Variants in NMNAT3 observed in about 807,000 individuals in gnomAD.
The protein encoded by NMNAT3 is nicotinamide nucleotide adenylyltransferase 3.
In NMNAT3, 21 loss-of-function variants were observed where a neutral mutation model predicts 24.8. That is an observed-to-expected ratio of 0.85 (90% confidence interval 0.60 to 1.22). The LOEUF (loss-of-function observed/expected upper bound fraction) is 1.22. Ranked by LOEUF, NMNAT3 falls within the 50% of genes most tolerant of loss-of-function variation. The probability of loss-of-function intolerance (pLI) is 0.00; values close to 1 mark genes in which losing one functional copy is unlikely to be tolerated. For synonymous variants in NMNAT3, 136 were observed against 155.2 expected (o/e 0.88, Z 0.92); for missense variants, 387 against 436.6 (o/e 0.89, Z 1.01).
rs115075532 is a variant in NMNAT3 at position 139,629,566 on chromosome 3, C to T, written c.-40-1802G>A. The stretch of plus-strand genomic sequence containing the variant: ...GAATGCATTTATTGCCTTTATTATT[C>T]ATCTTGCTGTGATGGTCTTAGCTGT... On this transcript the variant is annotated intron_variant, in intron 2 of 6. Transcript: ENST00000643695. 4.2e-3 allele frequency among the ~76,000 whole-genome samples: 632 copies of T among 152,226 alleles called. 7 individuals are homozygous for T. Among genetic ancestry groups the T allele is most frequent in the African/African-American group, 0.015 (612 of 41,532 alleles).
chr3:139,618,774 G>C (rs543549974), intron 3 of NMNAT3, among the ~76,000 whole-genome samples: 5 of 152,224 alleles, frequency 3.3e-5, no homozygotes, highest in African/African-American at 9.6e-5. Flanking sequence ...GAAAGAAGAT[G>C]GTTCGGGTTA....
At chr3:139,667,741 T>C (rs1233951278) in intron 1 of NMNAT3, among the ~76,000 whole-genome samples, 1 of 152,256 alleles carries the variant, frequency 6.6e-6, no homozygotes, top group Non-Finnish European at 1.5e-5. Flanking sequence ...TGGTTTGTGC[T>C]CTTGTCTTAC....
intron 1 of NMNAT3, among the ~76,000 whole-genome samples, chr3:139,660,974 A>C (rs911110635): frequency 3.3e-5 from 5 of 152,236 alleles, no homozygotes; most frequent in African/African-American, 1.2e-4. Flanking sequence ...AGTATGTACC[A>C]TGAGATATTT....
At chr3:139,634,361 G>A (rs1169565389) in intron 2 of NMNAT3, 1 of 152,150 alleles carries the variant, frequency 6.6e-6, no homozygotes, top group African/African-American at 2.4e-5. Flanking sequence ...GAATGGAAAT[G>A]GATTCTACAA....
At chr3:139,662,686 G>A (rs563372014) in intron 1 of NMNAT3, among the ~76,000 whole-genome samples, 1 of 152,264 alleles carries the variant, frequency 6.6e-6, no homozygotes, top group African/African-American at 2.4e-5. Flanking sequence ...GACTCTAGGA[G>A]CAGAGAGGTT....
At chr3:139,615,266 G>T (rs1169144923) in intron 3 of NMNAT3, among the ~76,000 whole-genome samples, 2 of 152,024 alleles carry the variant, frequency 1.3e-5, no homozygotes, top group Non-Finnish European at 2.9e-5. Context: ...TTTTTCTAAG[G>T]AGCTCTTTTA....
intron 3 of NMNAT3, among the ~76,000 whole-genome samples, chr3:139,623,761 T>C (rs2055912168): frequency 6.6e-6 from 1 of 152,110 alleles, no homozygotes; most frequent in Non-Finnish European, 1.5e-5. Flanking sequence ...TTTTGTATTT[T>C]TAGTAGAGAT....
At position 139,665,949 on chromosome 3, in the gene NMNAT3, G is replaced by A. The variant is rs923960707; in HGVS notation, c.-141+11756C>T. 6.6e-5 allele frequency among the ~76,000 whole-genome samples: 10 copies of A among 152,226 alleles called. No individual in the cohort carries two copies. The East Asian group carries it at 1.9e-3, about 29-fold the overall frequency. On this transcript the variant is annotated intron_variant, in intron 1 of 6. Transcript: ENST00000643695. ...GAGGCAAAGGTAGAAGCTATGAGAT[G>A]AGAGGGAATATTTTCATTGAATATA...
At chr3:139,625,500 G>T (rs2056011909) in intron 3 of NMNAT3, among the ~76,000 whole-genome samples, 1 of 152,026 alleles carries the variant, frequency 6.6e-6, no homozygotes, top group Non-Finnish European at 1.5e-5. Flanking sequence ...TTTAGCAGTT[G>T]CATTAGAGTT....
intron 5 of NMNAT3, among the ~76,000 whole-genome samples, chr3:139,574,432 A>T (rs2108064364): frequency 6.6e-6 from 1 of 152,368 alleles, no homozygotes; most frequent in African/African-American, 2.4e-5. Flanking sequence ...AAATATGATT[A>T]GACTTTCACA....
intron 3 of NMNAT3, among the ~76,000 whole-genome samples, chr3:139,621,418 C>T (rs2055766157): frequency 6.6e-6 from 1 of 152,194 alleles, no homozygotes; most frequent in Non-Finnish European, 1.5e-5. Flanking sequence ...GCTCTGTTGC[C>T]TGGACTGAAG....
intron 4 of NMNAT3, among the ~76,000 whole-genome samples, chr3:139,580,376 G>A (rs1341770221): frequency 1.3e-5 from 2 of 152,172 alleles, no homozygotes; most frequent in East Asian, 1.9e-4. Context: ...ACCCATCTCG[G>A]CCTCCCAAAG....
At chr3:139,669,471 T>A (rs1461454826) in intron 1 of NMNAT3, among the ~76,000 whole-genome samples, 9 of 110,786 alleles carry the variant, frequency 8.1e-5, no homozygotes, top group African/African-American at 3.1e-4. Context: ...AGTGAGACCC[T>A]GTCTCAGAAA....
At chr3:139,594,213 A>G (rs1002906677) in intron 3 of NMNAT3, among the ~76,000 whole-genome samples, 2 of 152,254 alleles carry the variant, frequency 1.3e-5, no homozygotes, top group Admixed American at 6.5e-5. Flanking sequence ...AAAATCTAGA[A>G]GAAATGGATA....
intron 1 of NMNAT3, among the ~76,000 whole-genome samples, chr3:139,655,114 C>G (rs1424557155): frequency 6.6e-6 from 1 of 152,184 alleles, no homozygotes; most frequent in Non-Finnish European, 1.5e-5. Flanking sequence ...GAAGAGAAAA[C>G]AGCATTTGCA....
chr3:139,595,690 G>A (rs532150234), intron 3 of NMNAT3, among the ~76,000 whole-genome samples: 4 of 150,420 alleles, frequency 2.7e-5, no homozygotes, highest in African/African-American at 9.9e-5. Flanking sequence ...TGACAAACCT[G>A]AGAAAAACAA....
chr3:139,603,815 CTGT>C (rs758997541), intron 3 of NMNAT3, among the ~76,000 whole-genome samples: 3 of 152,194 alleles, frequency 2.0e-5, no homozygotes, highest in Non-Finnish European at 2.9e-5. Flanking sequence ...ACCACTACTG[CTGT>C]TAAAGCAGCC....
chr3:139,668,600 C>T (rs1465153188), intron 1 of NMNAT3, among the ~76,000 whole-genome samples: 1 of 152,178 alleles, frequency 6.6e-6, no homozygotes, highest in Non-Finnish European at 1.5e-5. Flanking sequence ...TTGAATTCAT[C>T]TTTAAAAAAT....
chr3:139,613,902 C>CTATG, intron 3 of NMNAT3, among the ~76,000 whole-genome samples: 1 of 151,924 alleles, frequency 6.6e-6, no homozygotes, highest in Non-Finnish European at 1.5e-5. Context: ...AACCAAACAC[C>CTATG]CGCATGTTCT....
Sources: gnomAD v4.1 joint callset for allele counts (sites outside exome capture counted in the v4.1 genomes callset) on GRCh38, gnomAD v4.1.1 for gene constraint, MANE v1.5 for transcripts, NCBI Gene and HGNC (gene_info 2026-07-23, HGNC 2026-07-21) for gene names.